The following VRK2 variants were observed in gnomAD, a reference collection of about 807,000 sequenced individuals.
VRK2 encodes the protein VRK serine/threonine kinase 2.
Under a neutral mutation model 57.6 loss-of-function variants are expected in VRK2, and 60 were observed. That is an observed-to-expected ratio of 1.04 (90% confidence interval 0.85 to 1.29). The LOEUF (loss-of-function observed/expected upper bound fraction) is 1.29. Among genes scored for constraint, VRK2 ranks in the 50% most tolerant of loss-of-function variants. The pLI, the probability that VRK2 is intolerant of heterozygous loss-of-function variation, is 0.00. For synonymous variants in VRK2, 231 were observed against 199.2 expected (o/e 1.16, Z -1.35); for missense variants, 705 against 588.1 (o/e 1.20, Z -2.06).
intron 8 of VRK2, among the ~76,000 whole-genome samples, chr2:58,130,205 T>TC (rs1411762367): frequency 6.6e-6 from 1 of 152,142 alleles, no homozygotes; most frequent in Non-Finnish European, 1.5e-5. Context: ...GCTTATATCA[T>TC]CCAAACACTG....
chr2:58,146,560 C>A, intron 12 of VRK2, 86 bp downstream of exon 12: 1 of 1,453,104 alleles, frequency 6.9e-7, no homozygotes, highest in East Asian at 2.4e-5. Flanking sequence ...TTATTTTCTC[C>A]TGAGGGCCAA....
intron 7 of VRK2, among the ~76,000 whole-genome samples, chr2:58,108,519 T>C (rs899801367): frequency 1.6e-4 from 24 of 151,494 alleles, no homozygotes; most frequent in Admixed American, 1.2e-3. Flanking sequence ...TCTTTCTTTC[T>C]TTTTTTTTCC....
At position 58,144,791 on chromosome 2, in the gene VRK2, C is replaced by A. The variant is rs1469652436; in HGVS notation, c.1024-1525C>A. On this transcript the variant is annotated intron_variant, in intron 11 of 12. Coordinates refer to ENST00000340157, the MANE Select transcript of VRK2 (RefSeq NM_006296.7). ...ATTCCTGCATGATTAAGAAACATTT[C>A]CAACTTTCAGGTTACTGAAAGGCAG... 7.2e-5 allele frequency among the ~76,000 whole-genome samples: 11 copies of A among 152,052 alleles called. No individual in the cohort carries two copies. In the East Asian group the frequency reaches 2.1e-3, roughly 29 times the overall value.
At chr2:58,138,042 A>G (rs1252307606) in intron 10 of VRK2, among the ~76,000 whole-genome samples, 4 of 152,136 alleles carry the variant, frequency 2.6e-5, no homozygotes, top group African/African-American at 7.2e-5. Flanking sequence ...CACAGCTGCT[A>G]TCAGTTGGTG....
chr2:58,028,952 G>C (rs918822228), intron 2 of VRK2, among the ~76,000 whole-genome samples: 2 of 117,554 alleles, frequency 1.7e-5, no homozygotes, highest in African/African-American at 6.2e-5. Context: ...ATTTAGAAGA[G>C]AAGTGGTTTC....
chr2:58,080,597 T>A (rs1462759075), intron 2 of VRK2, among the ~76,000 whole-genome samples: 1 of 151,902 alleles, frequency 6.6e-6, no homozygotes, highest in Non-Finnish European at 1.5e-5. Flanking sequence ...CTTTTGTGAT[T>A]AGGTTAGACT....
chr2:58,000,842 T>TAGTAATA (rs1350186623), intron 1 of VRK2, among the ~76,000 whole-genome samples: 1 of 152,230 alleles, frequency 6.6e-6, no homozygotes, highest in African/African-American at 2.4e-5. Flanking sequence ...ATTCATTAGA[T>TAGTAATA]AGTAATAATA....
chr2:58,012,910 CGT>C (rs1558540011), intron 1 of VRK2, among the ~76,000 whole-genome samples: 1 of 152,038 alleles, frequency 6.6e-6, no homozygotes, highest in African/African-American at 2.4e-5. Context: ...AAATATAAAA[CGT>C]AAAACTTTCA....
chr2:58,011,475 A>G lies in VRK2; in HGVS notation c.-438-14190A>G, dbSNP rs548088168. 3.3e-5 allele frequency among the ~76,000 whole-genome samples: 5 copies of G among 152,310 alleles called. No homozygotes were observed. The East Asian group carries it at 9.7e-4, about 29-fold the overall frequency. ...AGAAGACACTTGAACTGGAATTTCA[A>G]TGAAGTATTGTAAATAATTATTTAG... On this transcript the variant is annotated intron_variant, in intron 1 of 15. Coordinates refer to the VRK2 transcript ENST00000417641.
chr2:57,929,790 G>T (rs561520048), intron 1 of VRK2, among the ~76,000 whole-genome samples: 1 of 152,240 alleles, frequency 6.6e-6, no homozygotes, highest in East Asian at 1.9e-4. Context: ...AATCCTTCTA[G>T]AATTAGGTCC....
At chr2:57,920,450 T>C (rs1007701872) in intron 1 of VRK2, among the ~76,000 whole-genome samples, 2 of 152,136 alleles carry the variant, frequency 1.3e-5, no homozygotes, top group Non-Finnish European at 2.9e-5. Context: ...TGGGCTCAGT[T>C]ATGATTTGTA....
intron 2 of VRK2, among the ~76,000 whole-genome samples, chr2:58,064,452 T>C (rs963514077): frequency 1.3e-5 from 2 of 152,130 alleles, no homozygotes; most frequent in African/African-American, 4.8e-5. Flanking sequence ...GTTCAGATGA[T>C]TGCTAAAATT....
chr2:57,924,156 T>A (rs1436778345), intron 1 of VRK2, among the ~76,000 whole-genome samples: 1 of 152,096 alleles, frequency 6.6e-6, no homozygotes, highest in Non-Finnish European at 1.5e-5. Context: ...TCAGGTAATG[T>A]GATTCCTTCA....
intron 3 of VRK2, among the ~76,000 whole-genome samples, chr2:58,034,776 T>A (rs1423853777): frequency 3.3e-5 from 5 of 150,492 alleles, no homozygotes; most frequent in Middle Eastern, 6.8e-3. Context: ...AGGTTTTTTT[T>A]AAAAAACAAA....
intron 10 of VRK2, among the ~76,000 whole-genome samples, chr2:58,136,617 C>T (rs1020402280): frequency 6.6e-6 from 1 of 151,684 alleles, no homozygotes; most frequent in Non-Finnish European, 1.5e-5. Flanking sequence ...AACTCCTGAC[C>T]TCGTGATCCC....
At chr2:58,060,536 A>T (rs553080978) in intron 2 of VRK2, among the ~76,000 whole-genome samples, 6 of 151,918 alleles carry the variant, frequency 3.9e-5, no homozygotes, top group African/African-American at 1.2e-4. Context: ...GTCACAGAAA[A>T]ATGAGATAAA....
chr2:58,046,485 A>T (rs781486997), upstream of VRK2: 67 of 985,068 alleles, frequency 6.8e-5, no homozygotes, highest in Non-Finnish European at 8.0e-5. Context: ...CAGGAGATCT[A>T]ACACTCCTAC....
chr2:58,126,261 G>A (rs1558669107), intron 8 of VRK2, among the ~76,000 whole-genome samples: 1 of 152,082 alleles, frequency 6.6e-6, no homozygotes, highest in Non-Finnish European at 1.5e-5. Context: ...AAGCTTCAAT[G>A]TAAAACTGAC....
intron 2 of VRK2, among the ~76,000 whole-genome samples, chr2:58,073,642 ATATATATATATT>A (rs994151589): frequency 7.9e-5 from 8 of 101,152 alleles, no homozygotes; most frequent in African/African-American, 2.2e-4. Context: ...AGGATTATAT[ATATATATATATT>A]TATATTTATA....
Sources: allele counts gnomAD v4.1 joint callset (sites outside exome capture counted in the v4.1 genomes callset), GRCh38; gene constraint gnomAD v4.1.1; transcripts MANE v1.5; gene names NCBI Gene and HGNC (gene_info 2026-07-23, HGNC 2026-07-21).